The following ADAMTS3 variants were observed in gnomAD, a reference collection of about 807,000 sequenced individuals.
ADAMTS3 encodes A disintegrin and metalloproteinase with thrombospondin motifs 3.
ADAMTS3 carries 73 observed loss-of-function variants against 129.0 expected under a neutral mutation model. The ratio of observed to expected loss-of-function variants is 0.57; its 90% CI spans 0.47 to 0.69. ADAMTS3 has a LOEUF of 0.69. ADAMTS3 is among the 30% of genes least tolerant of loss of function. The pLI is 0.00. For synonymous variants in ADAMTS3, 477 were observed against 510.8 expected, an observed-to-expected ratio of 0.93 and a Z score of 0.89; for missense variants, 1,457 against 1,514.5, an observed-to-expected ratio of 0.96 and a Z score of 0.63.
intron 4 of ADAMTS3, among the ~76,000 whole-genome samples, chr4:72,396,793 T>A (rs1170049332): frequency 6.6e-6 from 1 of 152,236 alleles, no homozygotes. Context: ...CAAAGAACCC[T>A]TATTTTTGCT....
chr4:72,553,158 G>A (rs552720862), intron 2 of ADAMTS3, among the ~76,000 whole-genome samples: 3 of 150,824 alleles, frequency 2.0e-5, no homozygotes, highest in Admixed American at 6.7e-5. Flanking sequence ...CATTAATGAC[G>A]GCAAACTGTA....
At chr4:72,418,413 C>T (rs1722363614) in intron 3 of ADAMTS3, among the ~76,000 whole-genome samples, 1 of 152,148 alleles carries the variant, frequency 6.6e-6, no homozygotes, top group African/African-American at 2.4e-5. Context: ...TCAGGTGCTT[C>T]TTTCTCACTC....
At chr4:72,434,926 C>A (rs1031614916) in intron 3 of ADAMTS3, among the ~76,000 whole-genome samples, 2 of 151,804 alleles carry the variant, frequency 1.3e-5, no homozygotes, top group African/African-American at 4.8e-5. Context: ...TGGTTTCTAG[C>A]TGACATCTAA....
At chr4:72,357,274 G>A (rs1016444614) in intron 4 of ADAMTS3, among the ~76,000 whole-genome samples, 1 of 151,848 alleles carries the variant, frequency 6.6e-6, no homozygotes, top group African/African-American at 2.4e-5. Context: ...ATGTAAAAAC[G>A]AAGATAAATG....
Position 72,281,733 on chromosome 4 carries a change from C to T in ADAMTS3, c.*1403G>A, listed in dbSNP as rs1718348743. The T allele has an allele frequency of 6.6e-6, 1 of 152,080 alleles. No individual in the cohort carries two copies. Among genetic ancestry groups the T allele is most frequent in the African/African-American group, 2.4e-5 (1 of 41,420 alleles). The allele number at this position is 152,080 out of a possible 1,614,324, so 9.4% of individuals were successfully genotyped here. A position where few individuals can be genotyped will look rare whatever the true frequency, so the allele number is the denominator to read the frequency against. The stretch of plus-strand genomic sequence containing the variant: ...GTCTCTATGCACAGAACAAAGCATG[C>T]ATCTCTAATTATGTCTCTCTAGTTT... On this transcript the variant is annotated 3_prime_UTR_variant, in exon 22 of 22. Transcript: ENST00000286657.
At chr4:72,424,275 G>T (rs1011923613) in intron 3 of ADAMTS3, among the ~76,000 whole-genome samples, 1 of 151,988 alleles carries the variant, frequency 6.6e-6, no homozygotes, top group Admixed American at 6.6e-5. Flanking sequence ...TCAATTAATT[G>T]CTAAAGCAAA....
At chr4:72,444,118 C>T (rs371039773) in intron 3 of ADAMTS3, among the ~76,000 whole-genome samples, 1 of 151,728 alleles carries the variant, frequency 6.6e-6, no homozygotes, top group South Asian at 2.1e-4. Flanking sequence ...TGTGTCTGTG[C>T]ACAAATGCAG....
At chr4:72,530,303 T>C (rs1387113133) in intron 3 of ADAMTS3, among the ~76,000 whole-genome samples, 4 of 83,078 alleles carry the variant, frequency 4.8e-5, no homozygotes, top group African/African-American at 1.9e-4. Flanking sequence ...ATATATAATA[T>C]AATTATATAT....
intron 3 of ADAMTS3, among the ~76,000 whole-genome samples, chr4:72,458,647 C>CA (rs146700582): frequency 0.034 from 5,025 of 148,864 alleles, 266 homozygotes; most frequent in African/African-American, 0.12. Context: ...ATGATGAATT[C>CA]AAAAAAAAAC....
chr4:72,445,862 G>T (rs187196506), intron 3 of ADAMTS3, among the ~76,000 whole-genome samples: 4 of 151,612 alleles, frequency 2.6e-5, no homozygotes, highest in Non-Finnish European at 5.9e-5. Flanking sequence ...ATAATAATTC[G>T]AAGAGAAGAT....
chr4:72,550,057 G>A (rs10938026), intron 2 of ADAMTS3, among the ~76,000 whole-genome samples: 896 of 3,908 alleles, frequency 0.23, 257 homozygotes, highest in Non-Finnish European at 0.3. Flanking sequence ...AAGAGGAAGA[G>A]GAAGAGGAAG....
At chr4:72,404,932 C>G (rs888953131) in intron 4 of ADAMTS3, among the ~76,000 whole-genome samples, 2 of 151,588 alleles carry the variant, frequency 1.3e-5, no homozygotes, top group African/African-American at 4.8e-5. Context: ...GTAAAACAGA[C>G]CAACAGACAT....
chr4:72,314,634 A>T (rs1553905654), intron 11 of ADAMTS3, among the ~76,000 whole-genome samples: 1 of 152,232 alleles, frequency 6.6e-6, no homozygotes, highest in Non-Finnish European at 1.5e-5. Context: ...AATGTTAAAA[A>T]GTTAATTATA....
intron 4 of ADAMTS3, among the ~76,000 whole-genome samples, chr4:72,340,242 T>A (rs1383643237): frequency 6.6e-6 from 1 of 152,064 alleles, no homozygotes; most frequent in Non-Finnish European, 1.5e-5. Flanking sequence ...ATTGCTTTAT[T>A]TCTTCTGAGT....
At chr4:72,484,710 C>T (rs983719954) in intron 3 of ADAMTS3, among the ~76,000 whole-genome samples, 26 of 152,238 alleles carry the variant, frequency 1.7e-4, no homozygotes, top group Non-Finnish European at 5.9e-5. Flanking sequence ...GGCAGCATGG[C>T]GGAAGTGTGC....
chr4:72,368,974 C>T (rs554075226), intron 4 of ADAMTS3, among the ~76,000 whole-genome samples: 7 of 152,310 alleles, frequency 4.6e-5, no homozygotes, highest in Admixed American at 3.9e-4. Context: ...CTACACTATA[C>T]TGACTCTAAT....
At chr4:72,404,476 C>A (rs538983230) in intron 4 of ADAMTS3, among the ~76,000 whole-genome samples, 1 of 152,076 alleles carries the variant, frequency 6.6e-6, no homozygotes, top group Admixed American at 6.6e-5. Context: ...GTAATTGAAC[C>A]CTCATCTTAC....
intron 3 of ADAMTS3, among the ~76,000 whole-genome samples, chr4:72,531,577 A>C (rs181951868): frequency 1.3e-5 from 2 of 152,250 alleles, no homozygotes; most frequent in African/African-American, 4.8e-5. Context: ...TGGCTGGCTC[A>C]TGGGAGCCCA....
chr4:72,399,491 A>G (rs1721818894), intron 4 of ADAMTS3, among the ~76,000 whole-genome samples: 1 of 152,054 alleles, frequency 6.6e-6, no homozygotes, highest in South Asian at 2.1e-4. Flanking sequence ...TATCAGAGTC[A>G]CTCATCATTC....
Sources: gnomAD v4.1 joint callset for allele counts (sites outside exome capture counted in the v4.1 genomes callset) on GRCh38, gnomAD v4.1.1 for gene constraint, MANE v1.5 for transcripts, NCBI Gene and HGNC (gene_info 2026-07-23, HGNC 2026-07-21) for gene names.